The following IQANK1 variants were observed in gnomAD, a reference collection of about 807,000 sequenced individuals.
IQANK1 encodes IQ motif and ankyrin repeat containing 1.
In IQANK1, 30 loss-of-function variants were observed where a neutral mutation model predicts 22.6. That is an observed-to-expected ratio of 1.33 (90% CI 0.99 to 1.80). IQANK1 has a LOEUF of 1.80. Among genes scored for constraint, IQANK1 ranks in the 40% most tolerant of loss-of-function variants. The pLI, the probability that IQANK1 is intolerant of heterozygous loss-of-function variation, is 0.00. For missense variants in IQANK1, 275 were observed against 235.2 expected (o/e 1.17, Z -1.11); for synonymous variants, 122 against 99.6 (o/e 1.23, Z -1.34).
At position 143,768,595 on chromosome 8, in the gene IQANK1, A is replaced by G. The variant is rs115111408; in HGVS notation, c.176-2893A>G. ...CTGCTCCTTCCCTGCCCCCTCCTAC[A>G]CCCATTGATGGGATTCTACTTTCCC... On this transcript the variant is annotated intron_variant, in intron 3 of 13. Transcript: ENST00000527139. 9.8e-3 allele frequency among the ~76,000 whole-genome samples: 1,473 copies of G among 151,038 alleles called. 27 individuals carry two copies. Among genetic ancestry groups the G allele is most frequent in the African/African-American group, 0.034 (1,383 of 41,126 alleles).
intron 3 of IQANK1, among the ~76,000 whole-genome samples, chr8:143,765,734 T>A (rs1297592810): frequency 1.3e-5 from 2 of 152,258 alleles, no homozygotes; most frequent in African/African-American, 4.8e-5. Flanking sequence ...GTCTTTTCCT[T>A]TGTGGTATAT....
chr8:143,787,872 C>T (rs6991603), intron 7 of IQANK1, among the ~76,000 whole-genome samples: 141,761 of 151,944 alleles, frequency 0.93, 66,177 homozygotes, highest in East Asian at 0.97. Flanking sequence ...ATGGCCCGTG[C>T]CTGTCCACCT....
chr8:143,789,975 G>C lies in IQANK1; in HGVS notation c.1200G>C (p.Glu400Asp), dbSNP rs1819992252. 4.1e-6 allele frequency: 5 copies of C among 1,231,936 alleles called. No homozygotes were observed. The highest frequency in any genetic ancestry group is 5.1e-6 in the Non-Finnish European group (5 of 988,030). The allele number at this position is 1,231,936 out of a possible 1,614,324, so 76.3% of individuals were successfully genotyped here. The stretch of plus-strand genomic sequence containing the variant: ...TGCACTCTGCTACCCCGACAGGGGA[G>C]GAAGAGGCGCCTGGGCTGAAGTGCC... ...LELREQTQEGEEEAPGLKCQV... is the reference protein window; with the variant it reads ...LELREQTQEGDEEAPGLKCQV... The change falls in exon 12 of 14, where the codon GAG becomes GAC. Residue 400 changes from glutamate (E) to aspartate (D), a missense_variant. Coordinates refer to ENST00000527139, the MANE Select transcript of IQANK1 (RefSeq NM_001381874.1).
At chr8:143,748,544 A>G (rs1195298228) in intron 3 of IQANK1, among the ~76,000 whole-genome samples, 1 of 136,188 alleles carries the variant, frequency 7.3e-6, no homozygotes, top group Non-Finnish European at 1.5e-5. Flanking sequence ...GATATATAAT[A>G]TATAAATATA....
In IQANK1 at chr8:143,739,865, C is replaced by T. The variant is rs970728691; in HGVS notation, c.92C>T (p.Pro31Leu). The change falls in exon 3 of 14, where the codon CCC becomes CTC. Residue 31 changes from proline (P) to leucine (L), a missense_variant. Coordinates refer to ENST00000527139, the MANE Select transcript of IQANK1 (RefSeq NM_001381874.1). ...GACGGTCGTTTTCCCTTAGGGAAGC[C>T]CGGGGAGAACCGCCCGCCGCAGAGG... ...GPKTRAAAGK[P>L]GENRPPQRKA... The T allele has an allele frequency of 1.4e-6, 1 of 694,758 alleles. No individual in the cohort carries two copies. Among genetic ancestry groups the T allele is most frequent in the Non-Finnish European group, 2.6e-6 (1 of 381,700 alleles). The allele number at this position is 694,758 out of a possible 1,614,324, so 43.0% of individuals were successfully genotyped here. A position where few individuals can be genotyped will look rare whatever the true frequency, so the allele number is the denominator to read the frequency against.
Position 143,735,706 on chromosome 8 carries a change from C to A in IQANK1, c.-4-144C>A. Reference sequence around the variant, plus strand: ...CCGGGGCGGGCAGGCAGACAGGACACCAGCTGGGAAGCCTCAGGGGAGCCC... The same window carrying A: ...CCGGGGCGGGCAGGCAGACAGGACAACAGCTGGGAAGCCTCAGGGGAGCCC... On this transcript the variant is annotated intron_variant, in intron 1 of 13. Transcript: ENST00000527139. This position sits in a 1 kb window ranked among gnomAD's most constrained non-coding sequence, Gnocchi z 5.2. 1 of 609,654 alleles carries A rather than the reference C, an allele frequency of 1.6e-6. No homozygotes were observed. Among genetic ancestry groups the A allele is most frequent in the Non-Finnish European group, 3.0e-6 (1 of 335,538 alleles). The allele number at this position is 609,654 out of a possible 1,614,324, so 37.8% of individuals were successfully genotyped here. A position where few individuals can be genotyped will look rare whatever the true frequency, so the allele number is the denominator to read the frequency against.
intron 3 of IQANK1, among the ~76,000 whole-genome samples, chr8:143,748,724 T>A (rs60295773): frequency 5.4e-5 from 5 of 93,390 alleles, no homozygotes; most frequent in African/African-American, 4.6e-4. Flanking sequence ...ATATCATATA[T>A]ATCATATATA....
In IQANK1 at chr8:143,783,737, G is replaced by T. The variant is rs147321678; in HGVS notation, c.790-5178G>T. Among the ~76,000 whole-genome samples the T allele has an allele frequency of 2.0e-5, 3 of 152,256 alleles. No individual in the cohort carries two copies. In the East Asian group the frequency reaches 5.8e-4, roughly 29 times the overall value. Reference sequence around the variant, plus strand: ...CATCCACTAGAATAGACTTCTGTGCGTTGTTTTGGTCCTCCTTGTGCAAGG... The same window carrying T: ...CATCCACTAGAATAGACTTCTGTGCTTTGTTTTGGTCCTCCTTGTGCAAGG... On this transcript the variant is annotated intron_variant, in intron 7 of 13. Coordinates refer to ENST00000527139, the MANE Select transcript of IQANK1 (RefSeq NM_001381874.1).
In IQANK1 at chr8:143,771,929, C is replaced by T. The variant is rs1819583094; in HGVS notation, c.435C>T (p.Asp145=). Residue 145 remains aspartate (D), a synonymous_variant, in exon 5 of 14, where the codon GAC becomes GAT. Transcript: ENST00000527139. This position sits in a 1 kb window ranked among gnomAD's most constrained non-coding sequence, Gnocchi z 6.0. ...GCCGCCTGCTGGACGCCGCCTTCGA[C>T]GGGGACGTGGGCGAGATCCGGGCGG... The part of the protein sequence containing the change: ...RRRRLLDAAF[D]GDVGEIRAVL... 2.6e-6 allele frequency: 1 copy of T among 381,582 alleles called. No homozygotes were observed. The allele number at this position is 381,582 out of a possible 1,614,324, so 23.6% of individuals were successfully genotyped here. A position where few individuals can be genotyped will look rare whatever the true frequency, so the allele number is the denominator to read the frequency against.
At chr8:143,742,305 G>C (rs782373441) in intron 3 of IQANK1, 15 of 445,124 alleles carry the variant, frequency 3.4e-5, no homozygotes, top group Middle Eastern at 3.3e-4. Context: ...GGTGCCCCCC[G>C]GGGGCTTCCC....
chr8:143,784,816 G>C (rs1388563909), intron 7 of IQANK1, among the ~76,000 whole-genome samples: 1 of 152,158 alleles, frequency 6.6e-6, no homozygotes, highest in Non-Finnish European at 1.5e-5. Context: ...AAATTGGTCA[G>C]GAAGTGTAAT....
At chr8:143,775,822 A>C (rs1373451183) in intron 7 of IQANK1, among the ~76,000 whole-genome samples, 2 of 140,190 alleles carry the variant, frequency 1.4e-5, no homozygotes, top group Non-Finnish European at 1.5e-5. Flanking sequence ...ACACACACAC[A>C]CCATTCCTAA....
intron 3 of IQANK1, among the ~76,000 whole-genome samples, chr8:143,748,259 T>C (rs1554627452): frequency 1.3e-5 from 2 of 151,730 alleles, no homozygotes; most frequent in East Asian, 3.9e-4. Context: ...CTTCCCAAAG[T>C]GCTGGCATTA....
chr8:143,757,423 G>A (rs551166240), intron 3 of IQANK1, among the ~76,000 whole-genome samples: 105 of 150,604 alleles, frequency 7.0e-4, no homozygotes, highest in African/African-American at 2.4e-3. Context: ...TGCAAGCTCC[G>A]CCTCCCGGGT....
intron 3 of IQANK1, among the ~76,000 whole-genome samples, chr8:143,767,359 T>C (rs1426826690): frequency 6.6e-6 from 1 of 152,252 alleles, no homozygotes; most frequent in African/African-American, 2.4e-5. Context: ...TGTGTGTGTG[T>C]GTTTGCTCAT....
chr8:143,784,817 G>A (rs1554631190), intron 7 of IQANK1, among the ~76,000 whole-genome samples: 1 of 152,202 alleles, frequency 6.6e-6, no homozygotes, highest in African/African-American at 2.4e-5. Context: ...AATTGGTCAG[G>A]AAGTGTAATC....
Position 143,790,513 on chromosome 8 carries a change from C to T in IQANK1, c.1588C>T (p.Arg530Cys), listed in dbSNP as rs1820017715. 1 of 404,690 alleles carries T rather than the reference C, an allele frequency of 2.5e-6. No individual in the cohort carries two copies. 25.1% of individuals were successfully genotyped at this position (404,690 alleles called of 1,614,324 possible). The change falls in exon 14 of 14, where the codon CGC becomes TGC. Residue 530 changes from arginine (R) to cysteine (C), a missense_variant. Arg to Cys is a radical substitution (Grantham distance 180). Coordinates refer to ENST00000527139, the MANE Select transcript of IQANK1 (RefSeq NM_001381874.1). ...CCAGGAGCAGCGGCTGGAGCACTTCCGCCTCTTTTTCGTCACCAAGGTCCA... is the reference window on the plus strand; with the variant it reads ...CCAGGAGCAGCGGCTGGAGCACTTCTGCCTCTTTTTCGTCACCAAGGTCCA... ...QFQEQRLEHF[R>C]LFFVTKVQWP...
intron 3 of IQANK1, among the ~76,000 whole-genome samples, chr8:143,748,587 GAT>G (rs1273204805): frequency 8.0e-6 from 1 of 124,282 alleles, no homozygotes; most frequent in East Asian, 2.2e-4. Flanking sequence ...TATAAATATA[GAT>G]ATGATATATA....
intron 3 of IQANK1, among the ~76,000 whole-genome samples, chr8:143,760,905 G>A (rs543732892): frequency 5.7e-4 from 87 of 152,294 alleles, no homozygotes; most frequent in African/African-American, 2.0e-3. Context: ...CGGGAGAGGC[G>A]GGGCGCGGCC....
Sources: allele counts gnomAD v4.1 joint callset (sites outside exome capture counted in the v4.1 genomes callset), GRCh38; gene constraint gnomAD v4.1.1; non-coding constraint Gnocchi (gnomAD v3.1); transcripts MANE v1.5; gene names NCBI Gene and HGNC (gene_info 2026-07-23, HGNC 2026-07-21).